CCDC149: variants seen among roughly 807,000 people sequenced by gnomAD.
CCDC149 encodes coiled-coil domain containing 149.
CCDC149 carries 45 observed loss-of-function variants against 59.9 expected under a neutral mutation model. The observed-to-expected ratio is 0.75, with a 90% CI of 0.59 to 0.96. The LOEUF (loss-of-function observed/expected upper bound fraction) is 0.96, where lower values mean the gene tolerates loss of function less well. Ranked by LOEUF, CCDC149 falls within the 40% of genes least tolerant of loss-of-function variation. CCDC149 has a pLI of 0.00. For synonymous variants in CCDC149, 245 were observed against 260.6 expected (o/e 0.94, Z 0.58); for missense variants, 584 against 664.7 (o/e 0.88, Z 1.33).
Position 24,808,357 on chromosome 4 carries a change from CA to C in CCDC149, c.*31del. The C allele has an allele frequency of 1.4e-6, 2 of 1,436,592 alleles. No homozygotes were observed. Among genetic ancestry groups the C allele is most frequent in the Non-Finnish European group, 1.8e-6 (2 of 1,092,118 alleles). 89.0% of individuals were successfully genotyped at this position (1,436,592 alleles called of 1,614,324 possible). ...CATTCTTGACCCTCTCTGGGGCTTT[CA>C]ATGTGTCATTGTGTCAGATCCCTCT... On this transcript the variant is annotated 3_prime_UTR_variant, in exon 13 of 13. Transcript: ENST00000635206.
intron 1 of CCDC149, among the ~76,000 whole-genome samples, chr4:24,965,443 T>C (rs1231741984): frequency 7.6e-5 from 11 of 143,960 alleles, no homozygotes; most frequent in African/African-American, 1.1e-4. Context: ...ATGCCAAATA[T>C]GTTCTCTGAC....
chr4:24,837,567 A>G lies in CCDC149; in HGVS notation c.490-167T>C, dbSNP rs913515761. The stretch of plus-strand genomic sequence containing the variant: ...ACACTGAAATACAATAACAGCTAAA[A>G]GCGAGGGATGACTTCCTGCCAGACA... On this transcript the variant is annotated intron_variant, in intron 5 of 12. Coordinates refer to ENST00000635206, the MANE Select transcript of CCDC149 (RefSeq NM_001330643.2). The surrounding 1 kb of genome is among the most constrained non-coding windows in gnomAD (Gnocchi z 4.3). Among the ~76,000 whole-genome samples, 2 of 152,242 alleles carry G rather than the reference A, an allele frequency of 1.3e-5. No individual in the cohort carries two copies. Among genetic ancestry groups the G allele is most frequent in the Non-Finnish European group, 2.9e-5 (2 of 68,030 alleles).
chr4:24,915,161 A>G (rs574074444), upstream of CCDC149, among the ~76,000 whole-genome samples: 1 of 152,396 alleles, frequency 6.6e-6, no homozygotes, highest in Admixed American at 6.5e-5. Context: ...CTGAATGTCT[A>G]GAGTTAATTA....
intron 1 of CCDC149, among the ~76,000 whole-genome samples, chr4:24,961,477 C>A (rs1346046303): frequency 6.6e-6 from 1 of 152,022 alleles, no homozygotes; most frequent in African/African-American, 2.4e-5. Context: ...TTCATATGGA[C>A]CCAAAAAAGA....
intron 3 of CCDC149, among the ~76,000 whole-genome samples, chr4:24,873,187 C>T (rs1194022035): frequency 6.6e-6 from 1 of 152,088 alleles, no homozygotes; most frequent in Non-Finnish European, 1.5e-5. Context: ...ATGGTATGCA[C>T]CCACAGAACA....
intron 1 of CCDC149, among the ~76,000 whole-genome samples, chr4:24,956,596 G>C (rs1245320858): frequency 6.6e-6 from 1 of 152,162 alleles, no homozygotes; most frequent in Admixed American, 6.5e-5. Flanking sequence ...CAGTGAGCGA[G>C]AAGTACTATG....
chr4:24,874,060 T>C (rs1401264477), intron 2 of CCDC149, among the ~76,000 whole-genome samples: 2 of 152,064 alleles, frequency 1.3e-5, no homozygotes, highest in South Asian at 4.2e-4. Flanking sequence ...CTCTTTTAAA[T>C]AGTTAGAACC....
At chr4:24,896,532 A>T (rs1720855613) in intron 1 of CCDC149, among the ~76,000 whole-genome samples, 1 of 152,198 alleles carries the variant, frequency 6.6e-6, no homozygotes, top group South Asian at 2.1e-4. Flanking sequence ...ATGTTCAGAC[A>T]CGCTATAATA....
At chr4:24,886,020 G>A (rs1720157605) in intron 1 of CCDC149, among the ~76,000 whole-genome samples, 1 of 152,104 alleles carries the variant, frequency 6.6e-6, no homozygotes, top group Non-Finnish European at 1.5e-5. Context: ...CTATGAAATA[G>A]GTTGTAAGAT....
chr4:24,846,827 T>G (rs543162105), intron 4 of CCDC149, among the ~76,000 whole-genome samples: 2 of 152,358 alleles, frequency 1.3e-5, no homozygotes, highest in African/African-American at 4.8e-5. Flanking sequence ...TAGGAGCATT[T>G]GCCTACCGCA....
chr4:24,935,274 C>T (rs942072082), intron 1 of CCDC149, among the ~76,000 whole-genome samples: 21 of 152,020 alleles, frequency 1.4e-4, no homozygotes, highest in Non-Finnish European at 2.8e-4. Flanking sequence ...ACTAGACAAC[C>T]GTGTTAATCA....
At chr4:24,959,983 A>G (rs2109360552) in intron 1 of CCDC149, among the ~76,000 whole-genome samples, 1 of 152,354 alleles carries the variant, frequency 6.6e-6, no homozygotes, top group South Asian at 2.1e-4. Context: ...GAGCATCAGA[A>G]ACATTAACTA....
At chr4:24,947,598 C>T (rs6448317) in intron 1 of CCDC149, among the ~76,000 whole-genome samples, 37,432 of 152,104 alleles carry the variant, frequency 0.25, 4,998 homozygotes, top group African/African-American at 0.35. Flanking sequence ...GTCCTCCCCA[C>T]GTCTATCCTC....
intron 1 of CCDC149, among the ~76,000 whole-genome samples, chr4:24,977,993 T>A (rs1046206567): frequency 2.6e-5 from 4 of 152,128 alleles, no homozygotes; most frequent in Non-Finnish European, 4.4e-5. Flanking sequence ...TTAACTGGAC[T>A]TGATGGTGCA....
intron 1 of CCDC149, among the ~76,000 whole-genome samples, chr4:24,958,435 A>G (rs899399623): frequency 3.3e-5 from 5 of 152,146 alleles, no homozygotes; most frequent in Non-Finnish European, 1.5e-5. Flanking sequence ...CCTACATTAC[A>G]TTTCTTCAGA....
intron 1 of CCDC149, among the ~76,000 whole-genome samples, chr4:24,920,719 C>T (rs994255374): frequency 1.6e-4 from 25 of 152,188 alleles, no homozygotes; most frequent in Admixed American, 8.5e-4. Flanking sequence ...ATTTTTACCA[C>T]GAATTATTCT....
intron 3 of CCDC149, among the ~76,000 whole-genome samples, chr4:24,869,063 G>T (rs924000755): frequency 1.3e-5 from 2 of 152,228 alleles, no homozygotes; most frequent in South Asian, 2.1e-4. Context: ...CACCGGCTGC[G>T]ATTGCTATGA....
Position 24,912,907 on chromosome 4 carries a change from C to G in CCDC149, c.-28G>C. ...GCTGGCCGGCCTCCTGGACCCCCGCCGCCTCCTCCTCCTCGCGACGTCGCG... is the reference window on the plus strand; with the variant it reads ...GCTGGCCGGCCTCCTGGACCCCCGCGGCCTCCTCCTCCTCGCGACGTCGCG... On this transcript the variant is annotated 5_prime_UTR_variant, in exon 1 of 13. Coordinates refer to ENST00000635206, the MANE Select transcript of CCDC149 (RefSeq NM_001330643.2). 1 of 1,283,864 alleles carries G rather than the reference C, an allele frequency of 7.8e-7. No homozygotes were observed. The highest frequency in any genetic ancestry group is 1.0e-6 in the Non-Finnish European group (1 of 990,146). 79.5% of individuals were successfully genotyped at this position (1,283,864 alleles called of 1,614,324 possible).
chr4:24,852,934 C>T (rs143382133), intron 4 of CCDC149, 138 bp downstream of exon 4: 14 of 634,084 alleles, frequency 2.2e-5, no homozygotes, highest in East Asian at 1.1e-4. Context: ...CGCTAAACTG[C>T]GAATTTTCAT....
Sources: gnomAD v4.1 joint callset for allele counts (sites outside exome capture counted in the v4.1 genomes callset) on GRCh38, gnomAD v4.1.1 for gene constraint, Gnocchi (gnomAD v3.1) non-coding constraint, MANE v1.5 for transcripts, NCBI Gene and HGNC (gene_info 2026-07-23, HGNC 2026-07-21) for gene names.